Variants in IREB2 observed in about 807,000 individuals in gnomAD.
IREB2 encodes the protein iron-responsive element-binding protein 2.
In IREB2, 39 loss-of-function variants were observed where a neutral mutation model predicts 118.8. That is an observed-to-expected ratio of 0.33 (90% CI 0.25 to 0.43). IREB2 has a LOEUF of 0.43. IREB2 is among the 20% of genes least tolerant of loss of function. IREB2 has a pLI of 1.00. For synonymous variants in IREB2, 372 were observed against 392.2 expected (o/e 0.95, Z 0.61); for missense variants, 900 against 1,147.3 (o/e 0.78, Z 3.11).
intron 2 of IREB2, among the ~76,000 whole-genome samples, chr15:78,445,362 C>T (rs970458851): frequency 1.3e-5 from 2 of 152,158 alleles, no homozygotes; most frequent in African/African-American, 4.8e-5. Flanking sequence ...GGTCTCGGAA[C>T]TCCTGGCCTC....
intron 2 of IREB2, among the ~76,000 whole-genome samples, chr15:78,451,255 C>T (rs1001433364): frequency 5.3e-5 from 8 of 151,908 alleles, no homozygotes; most frequent in African/African-American, 1.7e-4. Flanking sequence ...TGTGAGCCAC[C>T]GTGCTCAGCC....
At chr15:78,471,611 T>G (rs1269797545) in intron 6 of IREB2, 130 bp from the exon 7 acceptor site, 18 of 492,152 alleles carry the variant, frequency 3.7e-5, no homozygotes, top group Non-Finnish European at 6.2e-5. Context: ...TTTTTAACTA[T>G]GTGATATGAA....
intron 5 of IREB2, among the ~76,000 whole-genome samples, chr15:78,470,135 A>G (rs949818478): frequency 6.6e-6 from 1 of 152,250 alleles, no homozygotes; most frequent in African/African-American, 2.4e-5. Flanking sequence ...GCATAGAAAT[A>G]ATCAGCACCC....
At chr15:78,448,584 A>G (rs1567163055) in intron 2 of IREB2, among the ~76,000 whole-genome samples, 1 of 152,370 alleles carries the variant, frequency 6.6e-6, no homozygotes, top group East Asian at 1.9e-4. Context: ...GGTTAGAGAC[A>G]GAAACACTTA....
rs376996832 is a variant in IREB2 at position 78,476,357 on chromosome 15, C to A, written c.1193C>A (p.Thr398Lys). The A allele has an allele frequency of 3.2e-6, 5 of 1,551,836 alleles. No homozygotes were observed. The highest frequency in any genetic ancestry group is 4.4e-6 in the Non-Finnish European group (5 of 1,135,536). Residue 398 changes from threonine to lysine, a missense_variant and splice_region_variant, in exon 9 of 22, where the codon ACA becomes AAA. By Grantham distance (78) the Thr-to-Lys change is moderately conservative (BLOSUM62 -1). Coordinates refer to ENST00000258886, the MANE Select transcript of IREB2 (RefSeq NM_004136.4). The part of the protein sequence containing the change: ...DNVTLKHLEH[T>K]GFSKAKLESM... Reference sequence around the variant, plus strand: ...GTGACATTAAAACATTTAGAACATACAGGTAAGAAGATAAAAGATCACTAG... The same window carrying A: ...GTGACATTAAAACATTTAGAACATAAAGGTAAGAAGATAAAAGATCACTAG...
At chr15:78,482,371 A>G (rs989063158) in intron 10 of IREB2, among the ~76,000 whole-genome samples, 2 of 152,356 alleles carry the variant, frequency 1.3e-5, no homozygotes, top group Middle Eastern at 3.4e-3. Context: ...GAAGGAAACG[A>G]TAGAAATGCC....
rs2051906511 is a variant in IREB2 at position 78,499,694 on chromosome 15, G to A, written c.*1551G>A. ...TTCTTCGACACTTTCAAATTATATT[G>A]TGTTCTTGATATATGCTGTATATTT... On this transcript the variant is annotated 3_prime_UTR_variant, in exon 22 of 22. Coordinates refer to ENST00000258886, the MANE Select transcript of IREB2 (RefSeq NM_004136.4). 6.6e-6 allele frequency: 1 copy of A among 152,080 alleles called. No homozygotes were observed. The highest frequency in any genetic ancestry group is 6.5e-5 in the Admixed American group (1 of 15,276). The allele number at this position is 152,080 out of a possible 1,614,324, so 9.4% of individuals were successfully genotyped here. A position where few individuals can be genotyped will look rare whatever the true frequency, so the allele number is the denominator to read the frequency against.
In IREB2 at chr15:78,483,430, A is replaced by G. The variant is rs762272296; in HGVS notation, c.1409A>G (p.Glu470Gly). ...AGCGATTTCCAGGCTTGCTTAAATG[A>G]AAAGGTAGGTTACTTTATTCTTATC... ...MKSDFQACLN[E>G]KVGFKGFQIA... Residue 470 changes from glutamate (E) to glycine (G), a missense_variant, in exon 11 of 22, where the codon GAA (glutamate) becomes GGA (glycine). Glu to Gly is a moderately conservative substitution (Grantham distance 98). Coordinates refer to ENST00000258886, the MANE Select transcript of IREB2 (RefSeq NM_004136.4). 6.6e-7 allele frequency: 1 copy of G among 1,524,164 alleles called. No individual in the cohort carries two copies. Among genetic ancestry groups the G allele is most frequent in the Non-Finnish European group, 9.1e-7 (1 of 1,098,084 alleles). 94.4% of individuals were successfully genotyped at this position (1,524,164 alleles called of 1,614,324 possible).
At position 78,471,727 on chromosome 15, in the gene IREB2, T is replaced by G; in HGVS notation, c.700-14T>G. The G allele has an allele frequency of 7.2e-6, 11 of 1,537,824 alleles. No homozygotes were observed. The highest frequency in any genetic ancestry group is 8.8e-6 in the Non-Finnish European group (10 of 1,136,886). On this transcript the variant is annotated splice_polypyrimidine_tract_variant and intron_variant, in intron 6 of 21. Coordinates refer to ENST00000258886, the MANE Select transcript of IREB2 (RefSeq NM_004136.4). ...TACTAACATTTGTATTTCTTAAATT[T>G]AAACAAAATATAGTGGAGTTCAAGA...
At chr15:78,439,648 G>A (rs1354051760) in intron 1 of IREB2, 147 bp from the exon 2 acceptor site, 5 of 558,094 alleles carry the variant, frequency 9.0e-6, no homozygotes, top group Admixed American at 3.6e-5. Context: ...GCCACACGTT[G>A]CTAATGGCTA....
chr15:78,492,561 A>ATTTGTTTG (rs111513345), intron 18 of IREB2, among the ~76,000 whole-genome samples: 9 of 151,804 alleles, frequency 5.9e-5, no homozygotes, highest in East Asian at 3.9e-4. Flanking sequence ...AAAGTTTGTC[A>ATTTGTTTG]TTTGTTTGTT....
intron 9 of IREB2, 113 bp downstream of exon 9, chr15:78,476,472 T>C (rs940314666): frequency 1.3e-6 from 1 of 744,544 alleles, no homozygotes; most frequent in Non-Finnish European, 2.0e-6. Context: ...AATTACATTA[T>C]GTTGAAACAA....
At chr15:78,474,579 C>T (rs1236654932) in intron 8 of IREB2, 2 of 152,070 alleles carry the variant, frequency 1.3e-5, no homozygotes, top group Non-Finnish European at 2.9e-5. Context: ...TGTTTTTTGA[C>T]ATTTTAGTTT....
chr15:78,480,933 T>C lies in IREB2; in HGVS notation c.1297-2385T>C, dbSNP rs1369261898. On this transcript the variant is annotated intron_variant, in intron 10 of 21. Transcript: ENST00000258886. ...CTGAGGCAGGAGAATTGCTTGAACCTGGGAGACAGAGGTTGCAATGAGCTG... is the reference window on the plus strand; with the variant it reads ...CTGAGGCAGGAGAATTGCTTGAACCCGGGAGACAGAGGTTGCAATGAGCTG... 6.6e-5 allele frequency among the ~76,000 whole-genome samples: 10 copies of C among 150,682 alleles called. No individual in the cohort carries two copies. The East Asian group carries it at 1.8e-3, about 27-fold the overall frequency.
chr15:78,478,841 A>G (rs2051519931), intron 10 of IREB2, among the ~76,000 whole-genome samples: 1 of 152,220 alleles, frequency 6.6e-6, no homozygotes, highest in Non-Finnish European at 1.5e-5. Context: ...CATCTGTTAG[A>G]TATGACAATA....
chr15:78,494,225 A>G lies in IREB2; in HGVS notation c.2556A>G (p.Gly852=). ...IILAGKKYGS[G]NSRDWAAKGP... ...TAGCAGGAAAGAAATATGGTTCAGG[A>G]AACTCCAGAGACTGGGCTGCCAAAG... The change falls in exon 20 of 22, where the codon GGA becomes GGG. Residue 852 remains glycine, a synonymous_variant. Coordinates refer to ENST00000258886, the MANE Select transcript of IREB2 (RefSeq NM_004136.4). 6.2e-7 allele frequency: 1 copy of G among 1,614,050 alleles called. No individual in the cohort carries two copies. Among genetic ancestry groups the G allele is most frequent in the Admixed American group, 1.7e-5 (1 of 60,026 alleles).
chr15:78,493,819 TA>T, intron 18 of IREB2, 89 bp from the exon 19 acceptor site: 3 of 1,244,024 alleles, frequency 2.4e-6, no homozygotes, highest in African/African-American at 1.5e-5. Flanking sequence ...TTTTCTGTGA[TA>T]AAAAAATTTT....
At position 78,496,410 on chromosome 15, in the gene IREB2, G is replaced by A. The variant is rs555576694; in HGVS notation, c.2596-716G>A. 1.2e-3 allele frequency among the ~76,000 whole-genome samples: 183 copies of A among 151,758 alleles called. 1 individual carries two copies. The highest frequency in any genetic ancestry group is 4.3e-3 in the African/African-American group (177 of 41,230). On this transcript the variant is annotated intron_variant, in intron 20 of 21. Coordinates refer to ENST00000258886, the MANE Select transcript of IREB2 (RefSeq NM_004136.4). ...GCCTCCATAGTAGCTGAGATTACAG[G>A]TGTGCACCACCATGTCCAGCTAATT...
chr15:78,490,625 G>T lies in IREB2; in HGVS notation c.2188G>T (p.Glu730Ter). The change falls in exon 18 of 22, where the codon GAG becomes TAG. Residue 730 changes from glutamate (E) to a stop codon, truncating the protein, a stop_gained. Transcript: ENST00000258886. LOFTEE classifies it high-confidence loss of function. Reference protein sequence around the residue: ...CPSFFDKLTKEPIALQAIENA... With the variant: ...CPSFFDKLTK Reference sequence around the variant, plus strand: ...TTGAACTTTTACCTTCTAGACCAAAGAGCCAATTGCACTCCAGGCTATTGA... The same window carrying T: ...TTGAACTTTTACCTTCTAGACCAAATAGCCAATTGCACTCCAGGCTATTGA... The T allele has an allele frequency of 6.2e-7, 1 of 1,614,016 alleles. No homozygotes were observed.
Sources: gnomAD v4.1 joint callset for allele counts (sites outside exome capture counted in the v4.1 genomes callset) on GRCh38, gnomAD v4.1.1 for gene constraint, MANE v1.5 for transcripts, NCBI Gene and HGNC (gene_info 2026-07-23, HGNC 2026-07-21) for gene names.